Variants in NTN4 observed in about 807,000 individuals in gnomAD.
NTN4 encodes the protein netrin 4, also known as netrin-4.
A neutral mutation model predicts 73.6 loss-of-function variants in NTN4; 32 were observed. The ratio of observed to expected loss-of-function variants is 0.44; its 90% CI spans 0.33 to 0.58. NTN4 has a LOEUF of 0.58. Among genes scored for constraint, NTN4 ranks in the 20% least tolerant of loss-of-function variants. The pLI is 0.04. For missense variants in NTN4, 654 were observed against 798.3 expected, an observed-to-expected ratio of 0.82 and a Z score of 2.18; for synonymous variants, 258 against 287.5, an observed-to-expected ratio of 0.90 and a Z score of 1.04.
chr12:95,676,971 T>C (rs1255829988), intron 7 of NTN4, among the ~76,000 whole-genome samples: 1 of 152,174 alleles, frequency 6.6e-6, no homozygotes. Flanking sequence ...GCAAGGTGGC[T>C]CACGCCTGTA....
intron 5 of NTN4, among the ~76,000 whole-genome samples, chr12:95,696,766 G>T (rs973763813): frequency 6.6e-6 from 1 of 152,058 alleles, no homozygotes; most frequent in African/African-American, 2.4e-5. Flanking sequence ...ACAAATCTAT[G>T]GTAAACTCAA....
intron 3 of NTN4, among the ~76,000 whole-genome samples, chr12:95,735,113 A>G (rs1472986040): frequency 6.6e-6 from 1 of 151,742 alleles, no homozygotes; most frequent in Non-Finnish European, 1.5e-5. Flanking sequence ...CTCTTTTCTA[A>G]TTCAGAAAAA....
chr12:95,749,381 A>G (rs1427868817), intron 2 of NTN4, among the ~76,000 whole-genome samples: 2 of 152,188 alleles, frequency 1.3e-5, no homozygotes, highest in African/African-American at 4.8e-5. Flanking sequence ...CTATGACCTC[A>G]GGTCCTCAGA....
intron 3 of NTN4, 86 bp from the exon 4 acceptor site, chr12:95,713,424 T>C (rs2121093325): frequency 2.8e-6 from 4 of 1,425,446 alleles, no homozygotes; most frequent in Admixed American, 2.2e-5. Flanking sequence ...ATCTCATGGA[T>C]TGGCTTTAGT....
chr12:95,778,688 A>G (rs982622869), intron 2 of NTN4, among the ~76,000 whole-genome samples: 1 of 152,128 alleles, frequency 6.6e-6, no homozygotes, highest in Admixed American at 6.5e-5. Context: ...CAACCAAAAA[A>G]AGTCCAGGAC....
chr12:95,778,781 A>T (rs2079112295), intron 2 of NTN4, among the ~76,000 whole-genome samples: 1 of 152,246 alleles, frequency 6.6e-6, no homozygotes, highest in Admixed American at 6.5e-5. Flanking sequence ...AATCAATAGA[A>T]AAAGAGGGAA....
chr12:95,723,849 T>C (rs12297476), intron 3 of NTN4, among the ~76,000 whole-genome samples: 2,556 of 152,296 alleles, frequency 0.017, 66 homozygotes, highest in African/African-American at 0.059. Context: ...TATGTGTGAT[T>C]CTTTGAATTT....
intron 2 of NTN4, among the ~76,000 whole-genome samples, chr12:95,749,726 G>A (rs185320669): frequency 1.2e-4 from 19 of 152,256 alleles, no homozygotes; most frequent in Admixed American, 3.3e-4. Context: ...ACCCTTAGTG[G>A]CAAGTCCTGC....
chr12:95,738,727 A>C (rs564315443), intron 2 of NTN4, among the ~76,000 whole-genome samples: 1 of 152,182 alleles, frequency 6.6e-6, no homozygotes, highest in South Asian at 2.1e-4. Flanking sequence ...TTAGAGATCA[A>C]TTTCATACCA....
At chr12:95,749,453 C>G (rs1215543613) in intron 2 of NTN4, among the ~76,000 whole-genome samples, 4 of 152,218 alleles carry the variant, frequency 2.6e-5, no homozygotes, top group African/African-American at 9.6e-5. Context: ...TTCTTACTCT[C>G]TTCTCCAACC....
intron 3 of NTN4, among the ~76,000 whole-genome samples, chr12:95,722,067 C>CTTTT (rs200453216): frequency 1.6e-5 from 2 of 124,460 alleles, no homozygotes; most frequent in African/African-American, 2.9e-5. Flanking sequence ...TTCAGTAGAT[C>CTTTT]TTTTTTTTTT....
In NTN4 at chr12:95,749,996, G is replaced by C. The variant is rs181590273; in HGVS notation, c.586-11852C>G. Among the ~76,000 whole-genome samples, 24 of 149,206 alleles carry C rather than the reference G, an allele frequency of 1.6e-4. 1 individual carries two copies. Among genetic ancestry groups the C allele is most frequent in the African/African-American group, 5.9e-4 (24 of 40,474 alleles). ...CCTTAGTGGCAAGTCCCGCTTTTCT[G>C]GGGGAGGGGCAAGTACCCCTCAACC... On this transcript the variant is annotated intron_variant, in intron 2 of 9. Transcript: ENST00000343702.
intron 3 of NTN4, among the ~76,000 whole-genome samples, chr12:95,731,088 T>C (rs1358136198): frequency 6.6e-6 from 1 of 152,208 alleles, no homozygotes; most frequent in Non-Finnish European, 1.5e-5. Context: ...CTTTTATTCT[T>C]TCTCTTTTTC....
intron 2 of NTN4, among the ~76,000 whole-genome samples, chr12:95,782,623 G>T (rs1318000545): frequency 6.6e-6 from 1 of 152,118 alleles, no homozygotes. Flanking sequence ...AGATTACTTT[G>T]AGACCCAGCT....
At chr12:95,697,939 C>T (rs1466025653) in intron 5 of NTN4, among the ~76,000 whole-genome samples, 2 of 152,030 alleles carry the variant, frequency 1.3e-5, no homozygotes, top group Admixed American at 6.6e-5. Context: ...TGAGGAGAAA[C>T]CCAGTAAAAA....
Position 95,790,049 on chromosome 12 carries a change from G to C in NTN4, c.55+206C>G. The C allele has an allele frequency of 2.2e-6, 1 of 452,760 alleles. No individual in the cohort carries two copies. Among genetic ancestry groups the C allele is most frequent in the Non-Finnish European group, 4.0e-6 (1 of 251,488 alleles). 28.0% of individuals were successfully genotyped at this position (452,760 alleles called of 1,614,324 possible). ...ACCCAGGATAGCTGGTTATCCAAGC[G>C]CATGTGTATCCCAGTTGTAAAAATA... On this transcript the variant is annotated intron_variant, in intron 1 of 9. Coordinates refer to ENST00000343702, the MANE Select transcript of NTN4 (RefSeq NM_021229.4). This position sits in a 1 kb window ranked among gnomAD's most constrained non-coding sequence, Gnocchi z 6.5.
chr12:95,782,754 T>G (rs1279247323), intron 2 of NTN4, among the ~76,000 whole-genome samples: 1 of 152,224 alleles, frequency 6.6e-6, no homozygotes, highest in Non-Finnish European at 1.5e-5. Flanking sequence ...TTTGGTTGGT[T>G]GCTATCCAAT....
At chr12:95,678,844 A>G (rs1022884399) in intron 7 of NTN4, among the ~76,000 whole-genome samples, 1 of 152,172 alleles carries the variant, frequency 6.6e-6, no homozygotes, top group African/African-American at 2.4e-5. Context: ...ATACAAAAAA[A>G]GTGACACATA....
At chr12:95,733,912 A>T (rs1428332222) in intron 3 of NTN4, among the ~76,000 whole-genome samples, 1 of 152,020 alleles carries the variant, frequency 6.6e-6, no homozygotes, top group Non-Finnish European at 1.5e-5. Flanking sequence ...TGAACTAAAA[A>T]TACAAAAATT....
Sources: allele counts gnomAD v4.1 joint callset (sites outside exome capture counted in the v4.1 genomes callset), GRCh38; gene constraint gnomAD v4.1.1; non-coding constraint Gnocchi (gnomAD v3.1); transcripts MANE v1.5; gene names NCBI Gene and HGNC (gene_info 2026-07-23, HGNC 2026-07-21).